CAMKMT: variants seen among roughly 807,000 people sequenced by gnomAD.
The protein encoded by CAMKMT is calmodulin-lysine N-methyltransferase, also known as CaM KMT.
CAMKMT carries 53 observed loss-of-function variants against 48.0 expected under a neutral mutation model. The observed-to-expected ratio is 1.10, with a 90% confidence interval of 0.89 to 1.39. The LOEUF (loss-of-function observed/expected upper bound fraction) is 1.39. Among genes scored for constraint, CAMKMT ranks in the 40% most tolerant of loss-of-function variants. The probability of loss-of-function intolerance (pLI) is 0.00; values close to 1 mark genes in which losing one functional copy is unlikely to be tolerated. For synonymous variants in CAMKMT, 165 were observed against 152.3 expected (o/e 1.08, Z -0.61); for missense variants, 428 against 402.7 (o/e 1.06, Z -0.54).
chr2:44,772,286 A>G lies in CAMKMT; in HGVS notation c.*173A>G, dbSNP rs1681148432. ...ACGTTATTCCCCAGCTGCCCTCTCC[A>G]GCTCCCTCCCCGCCTCTTTTTACAC... On this transcript the variant is annotated 3_prime_UTR_variant, in exon 11 of 11. Coordinates refer to ENST00000378494, the MANE Select transcript of CAMKMT (RefSeq NM_024766.5). The G allele has an allele frequency of 1.8e-6, 1 of 562,642 alleles. No individual in the cohort carries two copies. The highest frequency in any genetic ancestry group is 3.1e-6 in the Non-Finnish European group (1 of 318,590). The allele number at this position is 562,642 out of a possible 1,614,324, so 34.9% of individuals were successfully genotyped here.
rs1674186961 is a variant in CAMKMT, at chr2:44,653,168, T to C, written c.377-51115T>C. The stretch of plus-strand genomic sequence containing the variant: ...CTGGCTTCATAAGAGTCTTTTTTTA[T>C]TATTTCTCACTTCACTAGCTCGTGA... On this transcript the variant is annotated intron_variant, in intron 3 of 10. Transcript: ENST00000378494. The surrounding 1 kb of genome is among the most constrained non-coding windows in gnomAD (Gnocchi z 5.2). Among the ~76,000 whole-genome samples, 1 of 152,160 alleles carries C rather than the reference T, an allele frequency of 6.6e-6. No homozygotes were observed. The highest frequency in any genetic ancestry group is 1.5e-5 in the Non-Finnish European group (1 of 68,038).
intron 3 of CAMKMT, among the ~76,000 whole-genome samples, chr2:44,565,598 A>G (rs1040558293): frequency 6.6e-6 from 1 of 152,196 alleles, no homozygotes; most frequent in African/African-American, 2.4e-5. Context: ...CATTGGAAGC[A>G]CATAGTGAGC....
intron 3 of CAMKMT, among the ~76,000 whole-genome samples, chr2:44,540,463 G>C (rs1339741579): frequency 6.6e-6 from 1 of 152,102 alleles, no homozygotes; most frequent in Non-Finnish European, 1.5e-5. Context: ...TAAAAACTCA[G>C]ATACGAGGCC....
At chr2:44,724,030 G>A (rs548043952) in intron 7 of CAMKMT, among the ~76,000 whole-genome samples, 131 of 152,310 alleles carry the variant, frequency 8.6e-4, no homozygotes, top group Non-Finnish European at 1.6e-3. Flanking sequence ...TCTTAATCAA[G>A]TCTGTCCTTA....
At chr2:44,536,439 C>G (rs768567308) in intron 3 of CAMKMT, among the ~76,000 whole-genome samples, 1 of 151,766 alleles carries the variant, frequency 6.6e-6, no homozygotes, top group Non-Finnish European at 1.5e-5. Context: ...ATTCTCCTAC[C>G]TCAGCCTCCC....
chr2:44,631,715 G>C (rs1183707218), intron 3 of CAMKMT: 1 of 389,028 alleles, frequency 2.6e-6, no homozygotes, highest in African/African-American at 2.1e-5. Context: ...TTATTGATAT[G>C]GTTATGTTTA....
intron 3 of CAMKMT, among the ~76,000 whole-genome samples, chr2:44,697,887 A>G (rs1387944758): frequency 6.6e-6 from 1 of 152,160 alleles, no homozygotes; most frequent in South Asian, 2.1e-4. Context: ...TATAAACACA[A>G]TTACCAGAAG....
At chr2:44,748,350 G>A (rs1680002702) in intron 8 of CAMKMT, among the ~76,000 whole-genome samples, 1 of 152,076 alleles carries the variant, frequency 6.6e-6, no homozygotes, top group Admixed American at 6.6e-5. Context: ...AGGGGAAATA[G>A]CACTTTATAA....
intron 9 of CAMKMT, 112 bp downstream of exon 9, chr2:44,754,230 C>T: frequency 1.3e-6 from 1 of 784,682 alleles, no homozygotes; most frequent in Non-Finnish European, 2.1e-6. Context: ...TACTTTAATA[C>T]TTATTATGTC....
At chr2:44,456,218 A>C (rs1047267198) in intron 3 of CAMKMT, among the ~76,000 whole-genome samples, 2 of 152,174 alleles carry the variant, frequency 1.3e-5, no homozygotes, top group Non-Finnish European at 2.9e-5. Flanking sequence ...GTGAGTATGA[A>C]AACAAGTGTT....
intron 3 of CAMKMT, among the ~76,000 whole-genome samples, chr2:44,577,478 G>A (rs1041134622): frequency 6.6e-6 from 1 of 152,128 alleles, no homozygotes; most frequent in Non-Finnish European, 1.5e-5. Context: ...AATTAGCCAG[G>A]TGTGGTAGTA....
chr2:44,594,954 A>G (rs1387456816), intron 3 of CAMKMT, among the ~76,000 whole-genome samples: 2 of 152,232 alleles, frequency 1.3e-5, no homozygotes, highest in African/African-American at 2.4e-5. Flanking sequence ...AAGAACTTAA[A>G]TTTACAAGAA....
chr2:44,584,837 G>A (rs1031845576), intron 3 of CAMKMT, among the ~76,000 whole-genome samples: 2 of 152,110 alleles, frequency 1.3e-5, no homozygotes, highest in African/African-American at 2.4e-5. Context: ...GGTGGATCAC[G>A]AGGTCAGGAG....
At chr2:44,588,692 G>C (rs1218847536) in intron 3 of CAMKMT, among the ~76,000 whole-genome samples, 9 of 43,876 alleles carry the variant, frequency 2.1e-4, no homozygotes, top group Non-Finnish European at 3.3e-4. Context: ...GTCCGGGAGG[G>C]AGGTGGGGGG....
At chr2:44,373,908 G>A (rs1388152503) in intron 2 of CAMKMT, among the ~76,000 whole-genome samples, 1 of 151,892 alleles carries the variant, frequency 6.6e-6, no homozygotes, top group Non-Finnish European at 1.5e-5. Context: ...TGGATCACTT[G>A]ACCCTAGGAG....
At chr2:44,628,207 C>G (rs1459987701) in intron 3 of CAMKMT, among the ~76,000 whole-genome samples, 1 of 152,280 alleles carries the variant, frequency 6.6e-6, no homozygotes, top group African/African-American at 2.4e-5. Flanking sequence ...CTTGGGGTCC[C>G]AAAGTGCTGA....
rs114233319 is a variant in CAMKMT, at chr2:44,652,857, C to T, written c.377-51426C>T. Among the ~76,000 whole-genome samples, 490 of 152,310 alleles carry T rather than the reference C, an allele frequency of 3.2e-3. 1 individual carries two copies. Among genetic ancestry groups the T allele is most frequent in the African/African-American group, 0.011 (474 of 41,560 alleles). ...CACTGACTCCCTAGTGAAATGCAGC[C>T]TGCCCTCAGTTATTCAGAGACCGAG... On this transcript the variant is annotated intron_variant, in intron 3 of 10. Coordinates refer to ENST00000378494, the MANE Select transcript of CAMKMT (RefSeq NM_024766.5).
intron 6 of CAMKMT, among the ~76,000 whole-genome samples, chr2:44,710,566 G>C (rs536516987): frequency 1.3e-5 from 2 of 151,902 alleles, no homozygotes; most frequent in South Asian, 4.2e-4. Flanking sequence ...GGATCATTTG[G>C]TTTGTCCAGT....
chr2:44,412,275 A>G (rs1029253546), intron 3 of CAMKMT, among the ~76,000 whole-genome samples: 14 of 152,186 alleles, frequency 9.2e-5, no homozygotes, highest in African/African-American at 3.4e-4. Flanking sequence ...AATAATGGCT[A>G]GCATATCTTT....
Sources: allele counts gnomAD v4.1 joint callset (sites outside exome capture counted in the v4.1 genomes callset), GRCh38; gene constraint gnomAD v4.1.1; non-coding constraint Gnocchi (gnomAD v3.1); transcripts MANE v1.5; gene names NCBI Gene and HGNC (gene_info 2026-07-23, HGNC 2026-07-21).